Variants in SYNE1 observed in about 807,000 individuals in gnomAD.
SYNE1 encodes the protein spectrin repeat containing nuclear envelope protein 1, also known as nesprin-1.
A neutral mutation model predicts 1,111.0 loss-of-function variants in SYNE1; 616 were observed. The ratio of observed to expected loss-of-function variants is 0.55; its 90% CI spans 0.52 to 0.59. SYNE1 has a LOEUF of 0.59. Among genes scored for constraint, SYNE1 ranks in the 20% least tolerant of loss-of-function variants. SYNE1 has a pLI of 0.00. For synonymous variants in SYNE1, 3,855 were observed against 3,825.8 expected (o/e 1.01, Z -0.28); for missense variants, 10,006 against 10,417.0 (o/e 0.96, Z 1.72).
intron 116 of SYNE1, 50 bp from the exon 117 acceptor site, chr6:152,224,714 T>A: frequency 6.4e-7 from 1 of 1,553,020 alleles, no homozygotes; most frequent in Non-Finnish European, 8.9e-7. Flanking sequence ...TCTAGAATGA[T>A]GGAATATATA....
chr6:152,474,343 T>G (rs1487302867), intron 14 of SYNE1, among the ~76,000 whole-genome samples: 3 of 152,184 alleles, frequency 2.0e-5, no homozygotes, highest in Non-Finnish European at 2.9e-5. Flanking sequence ...CCCCCATTCT[T>G]AGTAAAACAT....
At chr6:152,231,881 T>C (rs2082865827) in intron 113 of SYNE1, among the ~76,000 whole-genome samples, 1 of 152,076 alleles carries the variant, frequency 6.6e-6, no homozygotes, top group Non-Finnish European at 1.5e-5. Flanking sequence ...AATTTATTTT[T>C]ATAATTTCTG....
At chr6:152,269,046 G>T in intron 99 of SYNE1, 109 bp downstream of exon 99, 2 of 1,515,664 alleles carry the variant, frequency 1.3e-6, no homozygotes, top group South Asian at 1.2e-5. Context: ...AAGATAAAGA[G>T]ACACTCTGTC....
At chr6:152,571,652 G>A (rs952277498) in intron 3 of SYNE1, among the ~76,000 whole-genome samples, 2 of 152,100 alleles carry the variant, frequency 1.3e-5, no homozygotes, top group South Asian at 4.1e-4. Flanking sequence ...ATCCGTGACT[G>A]TAAAGTACCC....
intron 95 of SYNE1, among the ~76,000 whole-genome samples, chr6:152,287,730 A>G (rs759168646): frequency 6.6e-6 from 1 of 152,074 alleles, no homozygotes; most frequent in African/African-American, 2.4e-5. Context: ...TATTTTTAGT[A>G]GAGATGTGGT....
At position 152,164,233 on chromosome 6, in the gene SYNE1, T is replaced by C. The variant is rs762349844; in HGVS notation, c.23720A>G (p.Glu7907Gly). The C allele has an allele frequency of 1.2e-6, 2 of 1,614,190 alleles. No homozygotes were observed. The highest frequency in any genetic ancestry group is 1.7e-6 in the Non-Finnish European group (2 of 1,180,034). Reference sequence around the variant, plus strand: ...ATCGTAGACTATTGGCTTGGCCAGCTCTGACTCGATGTGAGCGAGCCAGGT... The same window carrying C: ...ATCGTAGACTATTGGCTTGGCCAGCCCTGACTCGATGTGAGCGAGCCAGGT... Reference protein sequence around the residue: ...LRTWLAHIESELAKPIVYDSC... With the variant: ...LRTWLAHIESGLAKPIVYDSC... Residue 7907 changes from glutamate to glycine, a missense_variant, in exon 131 of 146, where the codon GAG becomes GGG. This residue lies in a region of SYNE1 where 2,182 missense variants were observed against 2,287.8 expected (regional missense o/e 0.95). Coordinates refer to ENST00000367255, the MANE Select transcript of SYNE1 (RefSeq NM_182961.4).
At chr6:152,363,358 G>A (rs990061034) in intron 63 of SYNE1, among the ~76,000 whole-genome samples, 2 of 149,768 alleles carry the variant, frequency 1.3e-5, no homozygotes, top group Non-Finnish European at 3.0e-5. Context: ...GCCGGGCATG[G>A]TGGCGGGCGC....
chr6:152,557,439 G>A lies in SYNE1; in HGVS notation c.68-17418C>T, dbSNP rs141780027. ...TAGAAAACTTCCCAAATCTAGACTG[G>A]GAAATAAACATTAATATCCATGAAT... On this transcript the variant is annotated intron_variant, in intron 3 of 145. Coordinates refer to ENST00000367255, the MANE Select transcript of SYNE1 (RefSeq NM_182961.4). 3.9e-3 allele frequency among the ~76,000 whole-genome samples: 591 copies of A among 151,838 alleles called. 6 individuals carry two copies. Among genetic ancestry groups the A allele is most frequent in the African/African-American group, 0.014 (559 of 41,400 alleles).
intron 136 of SYNE1, among the ~76,000 whole-genome samples, chr6:152,149,060 T>C (rs2059991806): frequency 6.6e-6 from 1 of 152,216 alleles, no homozygotes; most frequent in Non-Finnish European, 1.5e-5. Context: ...TTCACTTTGC[T>C]TCCTTTTATT....
chr6:152,284,969 G>C (rs1167221004), intron 95 of SYNE1, among the ~76,000 whole-genome samples: 1 of 151,864 alleles, frequency 6.6e-6, no homozygotes, highest in East Asian at 1.9e-4. Flanking sequence ...AAAAAATAAG[G>C]GTCTCTCCCG....
At position 152,325,261 on chromosome 6, in the gene SYNE1, C is replaced by T. The variant is rs369261407; in HGVS notation, c.15480G>A (p.Val5160=). The part of the protein sequence containing the change: ...SVVNSFHEKI[V]ALEEKASQLE... ...GTTGTGAAGCTTTTTCCTCAAGGGC[C>T]ACAATTTTCTCATGGAAAGAGTTAA... Residue 5160 remains valine, a synonymous_variant, in exon 81 of 146, where the codon GTG becomes GTA. Coordinates refer to ENST00000367255, the MANE Select transcript of SYNE1 (RefSeq NM_182961.4). The T allele has an allele frequency of 6.2e-7, 1 of 1,614,022 alleles. No homozygotes were observed. The highest frequency in any genetic ancestry group is 8.5e-7 in the Non-Finnish European group (1 of 1,180,050).
At chr6:152,612,657 G>A (rs2099634770) in intron 3 of SYNE1, among the ~76,000 whole-genome samples, 1 of 152,022 alleles carries the variant, frequency 6.6e-6, no homozygotes, top group Non-Finnish European at 1.5e-5. Context: ...TATGAGTCTG[G>A]GATCATCCTG....
chr6:152,313,671 C>T (rs992326824), intron 87 of SYNE1, among the ~76,000 whole-genome samples: 9 of 152,038 alleles, frequency 5.9e-5, no homozygotes, highest in African/African-American at 2.2e-4. Context: ...ACTATGTTGG[C>T]CAGGCTGGTC....
At chr6:152,176,635 T>A in intron 129 of SYNE1, 75 bp from the exon 130 acceptor site, 1 of 1,402,494 alleles carries the variant, frequency 7.1e-7, no homozygotes, top group Admixed American at 1.7e-5. Context: ...ACTAGAAACA[T>A]GATGATTACT....
At chr6:152,310,325 A>C in intron 89 of SYNE1, 71 bp downstream of exon 89, 20 of 1,598,490 alleles carry the variant, frequency 1.3e-5, no homozygotes, top group Non-Finnish European at 1.7e-5. Flanking sequence ...TTTAGGAGGC[A>C]TTTTTCCTTA....
In SYNE1 at chr6:152,233,553, G is replaced by A. The variant is rs375821636; in HGVS notation, c.20712+228C>T. Among the ~76,000 whole-genome samples, 486 of 152,158 alleles carry A rather than the reference G, an allele frequency of 3.2e-3. 3 individuals carry two copies. Among genetic ancestry groups the A allele is most frequent in the African/African-American group, 0.011 (462 of 41,506 alleles). ...TTGCCCAGGCTGGTCTTGAACTCCTGAGCTCAGGCAATCCACCCTCCTCAG... is the reference window on the plus strand; with the variant it reads ...TTGCCCAGGCTGGTCTTGAACTCCTAAGCTCAGGCAATCCACCCTCCTCAG... On this transcript the variant is annotated intron_variant, in intron 112 of 145. Transcript: ENST00000367255.
At chr6:152,616,890 G>T (rs1028650) in intron 3 of SYNE1, among the ~76,000 whole-genome samples, 108,765 of 151,944 alleles carry the variant, frequency 0.72, 39,019 homozygotes, top group East Asian at 0.81. Flanking sequence ...ACAGTTTTAT[G>T]CCCTGTTGTG....
chr6:152,394,779 TTC>T (rs1241579007), intron 51 of SYNE1, among the ~76,000 whole-genome samples: 6 of 146,314 alleles, frequency 4.1e-5, no homozygotes, highest in East Asian at 4.6e-4. Context: ...TCTTTTTTTT[TTC>T]TTTTTCCTTT....
chr6:152,381,618 C>A (rs746616572), intron 55 of SYNE1: 2 of 544,270 alleles, frequency 3.7e-6, no homozygotes, highest in Non-Finnish European at 6.6e-6. Flanking sequence ...ACCCTGAAAT[C>A]AGGCATTATT....
Sources: allele counts gnomAD v4.1 joint callset (sites outside exome capture counted in the v4.1 genomes callset), GRCh38; gene constraint gnomAD v4.1.1; regional missense constraint gnomAD v4.1.1; transcripts MANE v1.5; gene names NCBI Gene and HGNC (gene_info 2026-07-23, HGNC 2026-07-21).